The following VAT1L variants were observed in gnomAD, a reference collection of about 807,000 sequenced individuals.
VAT1L encodes putative NADPH-dependent quinone oxidoreductase VAT1L.
Under a neutral mutation model 44.1 loss-of-function variants are expected in VAT1L, and 34 were observed. The ratio of observed to expected loss-of-function variants is 0.77; its 90% CI spans 0.59 to 1.03. The LOEUF is 1.03. VAT1L is among the 50% of genes least tolerant of loss of function. The pLI is 0.00. For synonymous variants in VAT1L, 253 were observed against 202.2 expected (o/e 1.25, Z -2.13); for missense variants, 615 against 538.8 (o/e 1.14, Z -1.40).
intron 7 of VAT1L, among the ~76,000 whole-genome samples, chr16:77,945,879 T>C (rs557587780): frequency 2.6e-5 from 4 of 151,662 alleles, no homozygotes; most frequent in Non-Finnish European, 4.4e-5. Flanking sequence ...CTCAGCTCAC[T>C]GCCCCCTCTG....
chr16:77,895,100 C>CCACACACACACACACACACACA (rs67138523), intron 7 of VAT1L, among the ~76,000 whole-genome samples: 11,550 of 144,968 alleles, frequency 0.08, 566 homozygotes, highest in African/African-American at 0.1. Context: ...AGCCACTTGC[C>CCACACACACACACACACACACA]CACACACACA....
Position 77,825,430 on chromosome 16 carries a change from C to T in VAT1L, c.548C>T (p.Ser183Phe), listed in dbSNP as rs749839521. 6.2e-7 allele frequency: 1 copy of T among 1,603,704 alleles called. No individual in the cohort carries two copies. Among genetic ancestry groups the T allele is most frequent in the Non-Finnish European group, 8.5e-7 (1 of 1,174,454 alleles). ...FEVANLREGM[S>F]VLVHSAGGGV... is the part of the protein sequence containing the mutation. ...GTTGCCAACCTCCGGGAAGGGATGT[C>T]TGTGCTCGTGCACTCAGCTGGTGGG... is the stretch of plus-strand genomic sequence containing the variant. Residue 183 changes from serine to phenylalanine, a missense_variant, in exon 3 of 9, where the codon TCT (serine) becomes TTT (phenylalanine). Transcript: ENST00000302536.
intron 7 of VAT1L, among the ~76,000 whole-genome samples, chr16:77,957,451 G>T (rs1394337695): frequency 2.0e-5 from 3 of 152,140 alleles, no homozygotes; most frequent in South Asian, 2.1e-4. Flanking sequence ...TTTTAGCAAG[G>T]TGCAGTGGCT....
chr16:77,970,731 G>C (rs1338312846), intron 7 of VAT1L, among the ~76,000 whole-genome samples: 1 of 152,162 alleles, frequency 6.6e-6, no homozygotes, highest in African/African-American at 2.4e-5. Flanking sequence ...TTAGGATAAA[G>C]TTCCAGAAAA....
chr16:77,809,237 G>A (rs1253725336), intron 1 of VAT1L, among the ~76,000 whole-genome samples: 1 of 152,296 alleles, frequency 6.6e-6, no homozygotes, highest in East Asian at 1.9e-4. Flanking sequence ...TATGGTTGTT[G>A]TAAAACTGAA....
intron 7 of VAT1L, among the ~76,000 whole-genome samples, chr16:77,901,036 G>A (rs1275564241): frequency 6.6e-6 from 1 of 152,112 alleles, no homozygotes; most frequent in Admixed American, 6.5e-5. Context: ...AGTTCAAAAG[G>A]TGAATGAGGA....
intron 7 of VAT1L, among the ~76,000 whole-genome samples, chr16:77,906,165 TA>T (rs1466805778): frequency 1.3e-5 from 2 of 152,232 alleles, no homozygotes; most frequent in Non-Finnish European, 2.9e-5. Context: ...TACTCTGTGC[TA>T]GGGGATGTTG....
chr16:77,845,975 C>A lies in VAT1L; in HGVS notation c.580-16773C>A, dbSNP rs556667974. On this transcript the variant is annotated intron_variant, in intron 3 of 8. Transcript: ENST00000302536. The stretch of plus-strand genomic sequence containing the variant: ...CCAGGCACTAATGTGTGCAATTATC[C>A]CGGGTCTTCCTGTGCTAGAGGGGTC... Among the ~76,000 whole-genome samples the A allele has an allele frequency of 4.3e-4, 65 of 152,252 alleles. No individual in the cohort carries two copies. In the South Asian group the frequency reaches 8.1e-3, roughly 19 times the overall value.
intron 1 of VAT1L, among the ~76,000 whole-genome samples, chr16:77,815,460 C>T (rs745727250): frequency 8.5e-5 from 13 of 152,078 alleles, no homozygotes; most frequent in African/African-American, 2.7e-4. Context: ...AAATACCAGC[C>T]GGGTTCAGTA....
At position 77,954,354 on chromosome 16, in the gene VAT1L, C is replaced by T. The variant is rs186102528; in HGVS notation, c.1078-17496C>T. 2.2e-3 allele frequency among the ~76,000 whole-genome samples: 337 copies of T among 152,242 alleles called. 5 individuals carry two copies. In the South Asian group the frequency reaches 0.051, roughly 23 times the overall value. ...AAAAAGTGGAATGTCAGGCCGGGCGCGGTGGCTCACGCCTGTAATCCCAGC... is the reference window on the plus strand; with the variant it reads ...AAAAAGTGGAATGTCAGGCCGGGCGTGGTGGCTCACGCCTGTAATCCCAGC... On this transcript the variant is annotated intron_variant, in intron 7 of 8. Coordinates refer to ENST00000302536, the MANE Select transcript of VAT1L (RefSeq NM_020927.3).
At chr16:77,814,713 A>C (rs2016322438) in intron 1 of VAT1L, among the ~76,000 whole-genome samples, 1 of 152,224 alleles carries the variant, frequency 6.6e-6, no homozygotes, top group African/African-American at 2.4e-5. Flanking sequence ...AGGTTGTAGA[A>C]ATTTTATTTA....
chr16:77,894,552 G>A (rs1026202189), intron 7 of VAT1L, among the ~76,000 whole-genome samples: 2 of 152,132 alleles, frequency 1.3e-5, no homozygotes, highest in African/African-American at 4.8e-5. Flanking sequence ...CTAGGTCTGG[G>A]GGACTTGGAG....
intron 3 of VAT1L, 58 bp downstream of exon 3, chr16:77,825,519 A>ACACC: frequency 6.5e-7 from 1 of 1,526,814 alleles, no homozygotes; most frequent in East Asian, 2.5e-5. Context: ...AAGTGGAGTG[A>ACACC]CACCCCCCTG....
chr16:77,830,828 C>A (rs796567750), intron 3 of VAT1L, among the ~76,000 whole-genome samples: 21 of 152,296 alleles, frequency 1.4e-4, no homozygotes, highest in African/African-American at 4.8e-4. Context: ...GGATTACAGG[C>A]CCGAGCCACC....
chr16:77,826,354 G>C (rs1484620345), intron 3 of VAT1L, among the ~76,000 whole-genome samples: 1 of 152,176 alleles, frequency 6.6e-6, no homozygotes, highest in Non-Finnish European at 1.5e-5. Context: ...CAGTGATTTA[G>C]TTTTTTCAAT....
rs555209923 is a variant in VAT1L, at chr16:77,857,680, A to G, written c.580-5068A>G. On this transcript the variant is annotated intron_variant, in intron 3 of 8. Transcript: ENST00000302536. ...TAAATAGATAGTATATATTATGTATATATAATTATACATATACACATCATG... is the reference window on the plus strand; with the variant it reads ...TAAATAGATAGTATATATTATGTATGTATAATTATACATATACACATCATG... Among the ~76,000 whole-genome samples the G allele has an allele frequency of 2.7e-5, 4 of 150,320 alleles. 1 individual carries two copies. The highest frequency in any genetic ancestry group is 9.7e-5 in the African/African-American group (4 of 41,144).
intron 3 of VAT1L, among the ~76,000 whole-genome samples, chr16:77,858,902 G>A (rs532953240): frequency 5.3e-5 from 8 of 152,136 alleles, no homozygotes; most frequent in Admixed American, 1.3e-4. Flanking sequence ...TTGGGAGGCC[G>A]AGGCGGGCGG....
intron 4 of VAT1L, among the ~76,000 whole-genome samples, chr16:77,871,718 T>C (rs1855204163): frequency 6.6e-6 from 1 of 152,082 alleles, no homozygotes; most frequent in African/African-American, 2.4e-5. Context: ...GTAGCCTGGA[T>C]AACAGAGCAA....
intron 3 of VAT1L, among the ~76,000 whole-genome samples, chr16:77,832,380 T>C (rs2016589816): frequency 6.6e-6 from 1 of 152,130 alleles, no homozygotes; most frequent in Non-Finnish European, 1.5e-5. Context: ...TCCACCATGA[T>C]GTGGTCTTAG....
Sources: gnomAD v4.1 joint callset for allele counts (sites outside exome capture counted in the v4.1 genomes callset) on GRCh38, gnomAD v4.1.1 for gene constraint, MANE v1.5 for transcripts, NCBI Gene and HGNC (gene_info 2026-07-23, HGNC 2026-07-21) for gene names.